Variants in IRAG2 observed in about 807,000 individuals in gnomAD.
IRAG2 encodes the protein inositol 1,4,5-triphosphate receptor associated 2.
Under a neutral mutation model 69.9 loss-of-function variants are expected in IRAG2, and 45 were observed. The observed-to-expected ratio is 0.64, with a 90% confidence interval of 0.51 to 0.83. The LOEUF (loss-of-function observed/expected upper bound fraction) is 0.83, where lower values mean the gene tolerates loss of function less well. Ranked by LOEUF, IRAG2 falls within the 40% of genes least tolerant of loss-of-function variation. The probability of loss-of-function intolerance (pLI) is 0.00; values close to 1 mark genes in which losing one functional copy is unlikely to be tolerated. For synonymous variants in IRAG2, 193 were observed against 202.4 expected (o/e 0.95, Z 0.40); for missense variants, 520 against 587.0 (o/e 0.89, Z 1.18).
rs765329017 is a variant in IRAG2 at position 25,104,460 on chromosome 12, A to G, written c.1146A>G (p.Leu382=). 1 of 1,574,422 alleles carries G rather than the reference A, an allele frequency of 6.4e-7. No homozygotes were observed. Among genetic ancestry groups the G allele is most frequent in the East Asian group, 2.2e-5 (1 of 44,642 alleles). The change falls in exon 20 of 22, where the codon CTA becomes CTG. Residue 382 remains leucine (L), a splice_region_variant and synonymous_variant. Coordinates refer to ENST00000556887, the MANE Select transcript of IRAG2 (RefSeq NM_001366544.2). The part of the protein sequence containing the change: ...WADAEEEKCE[L]KTKDDSEPSG... ...ATGCTGAAGAAGAAAAATGTGAACT[A>G]AAGTAGGTGAAGCTCAGTGTGTTTA...
chr12:25,077,077 C>T (rs1266562367), intron 6 of IRAG2, among the ~76,000 whole-genome samples: 4 of 149,768 alleles, frequency 2.7e-5, no homozygotes, highest in Admixed American at 6.8e-5. Context: ...TCATGTTGCT[C>T]ATGTTGGTCT....
chr12:25,078,964 G>A, intron 6 of IRAG2, among the ~76,000 whole-genome samples: 1 of 152,152 alleles, frequency 6.6e-6, no homozygotes, highest in East Asian at 1.9e-4. Context: ...AACCCTATCT[G>A]CCATTTGAGT....
At chr12:25,011,818 C>T (rs1944476420) in intron 3 of IRAG2, among the ~76,000 whole-genome samples, 1 of 152,150 alleles carries the variant, frequency 6.6e-6, no homozygotes, top group African/African-American at 2.4e-5. Context: ...TTGGGAACCA[C>T]TGCTGTCATT....
At chr12:25,021,050 G>T in intron 7 of IRAG2, 1 of 397,654 alleles carries the variant, frequency 2.5e-6, no homozygotes, top group Non-Finnish European at 4.4e-6. Flanking sequence ...AGGCAGGTAG[G>T]ATTTTTTTAA....
At chr12:25,054,537 T>A (rs2139905831) in intron 1 of IRAG2, among the ~76,000 whole-genome samples, 1 of 152,358 alleles carries the variant, frequency 6.6e-6, no homozygotes, top group South Asian at 2.1e-4. Context: ...GAACTTGCTA[T>A]TGTTGTCTTC....
At chr12:25,013,848 A>G (rs1305860177) in intron 3 of IRAG2, among the ~76,000 whole-genome samples, 3 of 135,270 alleles carry the variant, frequency 2.2e-5, no homozygotes, top group African/African-American at 8.1e-5. Context: ...AATGGTTTTA[A>G]TTTTTTGTTT....
At chr12:25,001,722 C>T (rs141537882), upstream of IRAG2, among the ~76,000 whole-genome samples, 9 of 151,446 alleles carry the variant, frequency 5.9e-5, no homozygotes, top group South Asian at 1.5e-3. Flanking sequence ...AAGGGAGAAA[C>T]GGTCAACTCA....
chr12:25,023,792 G>A, intron 7 of IRAG2: 1 of 688,658 alleles, frequency 1.5e-6, no homozygotes, highest in Non-Finnish European at 2.0e-6. Flanking sequence ...GGTAGAGAAT[G>A]TCAGCCTTGG....
intron 6 of IRAG2, among the ~76,000 whole-genome samples, chr12:25,018,193 CTTTTTTTTTT>C (rs56659655): frequency 9.5e-6 from 1 of 105,550 alleles, no homozygotes; most frequent in Non-Finnish European, 1.8e-5. Context: ...TTTCTTTCTT[CTTTTTTTTTT>C]TTTTTTTTTT....
chr12:25,089,931 G>A, intron 13 of IRAG2, 126 bp from the exon 14 acceptor site: 2 of 1,271,172 alleles, frequency 1.6e-6, no homozygotes, highest in Non-Finnish European at 2.3e-6. Flanking sequence ...TGAACCCTGT[G>A]CATGTCAGCA....
upstream of IRAG2, among the ~76,000 whole-genome samples, chr12:25,050,769 T>G (rs1944849897): frequency 6.6e-6 from 1 of 152,150 alleles, no homozygotes; most frequent in African/African-American, 2.4e-5. Context: ...ATTTGGTATA[T>G]AAATACAAGG....
intron 15 of IRAG2, among the ~76,000 whole-genome samples, chr12:25,098,284 A>G (rs368258064): frequency 2.1e-4 from 32 of 152,202 alleles, no homozygotes; most frequent in African/African-American, 6.7e-4. Flanking sequence ...CTTCCCCTCA[A>G]TCACCCTCCT....
chr12:25,028,624 A>T (rs557338052), intron 9 of IRAG2, among the ~76,000 whole-genome samples: 146 of 152,246 alleles, frequency 9.6e-4, no homozygotes, highest in African/African-American at 3.1e-3. Flanking sequence ...TATTTTTGTT[A>T]TCTGTCACAC....
At position 25,004,833 on chromosome 12, in the gene IRAG2, C is replaced by T. The variant is rs894834487; in HGVS notation, c.492C>T (p.Asp164=). Reference sequence around the variant, plus strand: ...ATAATTTTAGTACCTTAACACTTGACTTTGATTCCACCTTTGTTCAAAGCT... The same window carrying T: ...ATAATTTTAGTACCTTAACACTTGATTTTGATTCCACCTTTGTTCAAAGCT... Residue 164 remains aspartate, a synonymous_variant, in exon 1 of 39, where the codon GAC becomes GAT. Coordinates refer to the IRAG2 transcript ENST00000636465. The T allele has an allele frequency of 1.1e-4, 133 of 1,231,950 alleles. 1 individual carries two copies. The highest frequency in any genetic ancestry group is 3.1e-4 in the Middle Eastern group (1 of 3,228). 76.3% of individuals were successfully genotyped at this position (1,231,950 alleles called of 1,614,324 possible). A position where few individuals can be genotyped will look rare whatever the true frequency, so the allele number is the denominator to read the frequency against.
chr12:25,082,749 G>A (rs570353779), intron 9 of IRAG2, among the ~76,000 whole-genome samples: 93 of 151,998 alleles, frequency 6.1e-4, no homozygotes, highest in African/African-American at 2.1e-3. Flanking sequence ...TATAATACAC[G>A]CTTTAAATAT....
chr12:25,034,714 A>G (rs148407081), intron 13 of IRAG2, among the ~76,000 whole-genome samples: 2 of 152,342 alleles, frequency 1.3e-5, no homozygotes, highest in East Asian at 3.9e-4. Context: ...GATATGTCAG[A>G]ATGTTCTCCT....
rs760307787 is a variant in IRAG2 at position 25,089,642 on chromosome 12, C to T, written c.402C>T (p.Thr134=). The change falls in exon 12 of 22, where the codon ACC becomes ACT. Residue 134 remains threonine (T), a synonymous_variant. Coordinates refer to ENST00000556887, the MANE Select transcript of IRAG2 (RefSeq NM_001366544.2). ...GDSVVSPLPV[T]TVKSVNLRQS... Reference sequence around the variant, plus strand: ...CTGTGGTTTCCCCTCTTCCTGTAACCACTGTGAAATCGGTTAACCTTAGAC... The same window carrying T: ...CTGTGGTTTCCCCTCTTCCTGTAACTACTGTGAAATCGGTTAACCTTAGAC... 1.2e-5 allele frequency: 20 copies of T among 1,602,002 alleles called. No individual in the cohort carries two copies. The highest frequency in any genetic ancestry group is 1.7e-5 in the Non-Finnish European group (20 of 1,169,712).
In IRAG2 at chr12:25,104,356, T is replaced by C; in HGVS notation, c.1047-5T>C. 6.3e-7 allele frequency: 1 copy of C among 1,578,722 alleles called. No homozygotes were observed. Among genetic ancestry groups the C allele is most frequent in the Non-Finnish European group, 8.7e-7 (1 of 1,147,750 alleles). On this transcript the variant is annotated splice_region_variant and splice_polypyrimidine_tract_variant and intron_variant, in intron 19 of 21. Transcript: ENST00000556887. ...TGACAAGTGGCTATAATCATCTTTA[T>C]TTAGGCGTATTTTGGGGTCAAAGCA...
chr12:25,095,094 A>T lies in IRAG2; in HGVS notation c.607-1816A>T, dbSNP rs140339634. ...TCCTTGCCTAATTGTTCTGGCTAGA[A>T]CTTCCAGTATTATGTTGAATAATAT... On this transcript the variant is annotated intron_variant, in intron 14 of 21. Coordinates refer to ENST00000556887, the MANE Select transcript of IRAG2 (RefSeq NM_001366544.2). Among the ~76,000 whole-genome samples, 16 of 152,212 alleles carry T rather than the reference A, an allele frequency of 1.1e-4. No individual in the cohort carries two copies. In the East Asian group the frequency reaches 2.9e-3, roughly 28 times the overall value.
Sources: allele counts gnomAD v4.1 joint callset (sites outside exome capture counted in the v4.1 genomes callset), GRCh38; gene constraint gnomAD v4.1.1; transcripts MANE v1.5; gene names NCBI Gene and HGNC (gene_info 2026-07-23, HGNC 2026-07-21).